SPMIP7: variants seen among roughly 807,000 people sequenced by gnomAD.
SPMIP7 encodes the protein protein SPMIP7.
the SPMIP7 span, chr7:50,159,169 G>T: frequency 1.3e-6 from 2 of 1,551,352 alleles, no homozygotes; most frequent in Non-Finnish European, 1.7e-6. Flanking sequence ...TAGACTACTA[G>T]AGGAGGCGGC....
chr7:50,147,061 C>T, the SPMIP7 span, among the ~76,000 whole-genome samples: 2 of 152,216 alleles, frequency 1.3e-5, no homozygotes, highest in South Asian at 2.1e-4. Flanking sequence ...TCCCTTATGT[C>T]GCATCCATGG....
chr7:50,137,975 C>T, the SPMIP7 span, among the ~76,000 whole-genome samples: 6 of 152,042 alleles, frequency 3.9e-5, no homozygotes, highest in Non-Finnish European at 8.8e-5. Context: ...TCTATTTTTG[C>T]TTATCTGAAG....
the SPMIP7 span, chr7:50,134,222 T>A: frequency 6.5e-7 from 1 of 1,545,636 alleles, no homozygotes; most frequent in Non-Finnish European, 8.7e-7. Flanking sequence ...TGAAAAGATA[T>A]AAAGGGGTGC....
chr7:50,100,334 T>G, the SPMIP7 span, among the ~76,000 whole-genome samples: 1 of 152,228 alleles, frequency 6.6e-6, no homozygotes, highest in East Asian at 1.9e-4. Flanking sequence ...CCATATCAGC[T>G]TCAGTGCGTC....
chr7:50,096,250 G>A, the SPMIP7 span: 5 of 1,551,562 alleles, frequency 3.2e-6, no homozygotes, highest in Non-Finnish European at 3.5e-6. Context: ...ACTATGGCAG[G>A]TTTGAAAAGA....
the SPMIP7 span, among the ~76,000 whole-genome samples, chr7:50,145,690 G>C: frequency 7.9e-6 from 1 of 126,960 alleles, no homozygotes; most frequent in Non-Finnish European, 1.6e-5. Context: ...AGAGCCCTGA[G>C]ATCTAACATA....
At chr7:50,126,898 A>G in the SPMIP7 span, among the ~76,000 whole-genome samples, 43 of 152,086 alleles carry the variant, frequency 2.8e-4, no homozygotes, top group African/African-American at 1.0e-3. Flanking sequence ...CTTCATAGGA[A>G]TAGAAAAAAT....
At chr7:50,108,535 A>T in the SPMIP7 span, among the ~76,000 whole-genome samples, 2 of 152,144 alleles carry the variant, frequency 1.3e-5, no homozygotes, top group African/African-American at 4.8e-5. Context: ...AGAAAATATG[A>T]CATAAATTTC....
At chr7:50,110,736 TATA>T in the SPMIP7 span, among the ~76,000 whole-genome samples, 1 of 7,132 alleles carries the variant, frequency 1.4e-4, no homozygotes, top group African/African-American at 3.3e-4. Flanking sequence ...TATTAAATAT[TATA>T]TATAAATATG....
chr7:50,132,087 A>G, the SPMIP7 span, among the ~76,000 whole-genome samples: 8 of 152,126 alleles, frequency 5.3e-5, no homozygotes, highest in Admixed American at 2.6e-4. Context: ...TTATGAAAAC[A>G]CTTAAAAACA....
At chr7:50,141,633 G>GA in the SPMIP7 span, 23 of 353,766 alleles carry the variant, frequency 6.5e-5, no homozygotes, top group South Asian at 2.1e-4. Flanking sequence ...AAACTTGTGA[G>GA]AAAAAAAATG....
chr7:50,138,839 T>C, the SPMIP7 span, among the ~76,000 whole-genome samples: 1 of 152,080 alleles, frequency 6.6e-6, no homozygotes, highest in South Asian at 2.1e-4. Context: ...GTCTGACTAC[T>C]GGATCTAGAA....
At chr7:50,104,929 A>C in the SPMIP7 span, among the ~76,000 whole-genome samples, 8 of 152,204 alleles carry the variant, frequency 5.3e-5, no homozygotes, top group Non-Finnish European at 1.0e-4. Flanking sequence ...CTGGAACAAC[A>C]ATCCTCTCTG....
At chr7:50,105,657 AG>A in the SPMIP7 span, among the ~76,000 whole-genome samples, 5 of 152,248 alleles carry the variant, frequency 3.3e-5, no homozygotes, top group African/African-American at 9.6e-5. Flanking sequence ...CACACATGGT[AG>A]GACTTTATGT....
chr7:50,121,195 G>A, the SPMIP7 span: 2 of 152,192 alleles, frequency 1.3e-5, no homozygotes, highest in African/African-American at 4.8e-5. Flanking sequence ...CATTATGAAG[G>A]TGACAGAAAG....
At chr7:50,113,993 G>A in the SPMIP7 span, among the ~76,000 whole-genome samples, 5 of 151,876 alleles carry the variant, frequency 3.3e-5, no homozygotes, top group East Asian at 9.6e-4. Flanking sequence ...CTGCAAGCCA[G>A]AAGAAAATAA....
chr7:50,149,610 C>G, the SPMIP7 span, among the ~76,000 whole-genome samples: 1 of 152,200 alleles, frequency 6.6e-6, no homozygotes, highest in African/African-American at 2.4e-5. Flanking sequence ...CCTAGTCTCA[C>G]AAAATCTGTT....
the SPMIP7 span, among the ~76,000 whole-genome samples, chr7:50,146,587 A>G: frequency 6.6e-6 from 1 of 152,230 alleles, no homozygotes; most frequent in Non-Finnish European, 1.5e-5. Context: ...GATCAAAGTC[A>G]TTGCAAAATG....
At chr7:50,158,847 C>G in the SPMIP7 span, among the ~76,000 whole-genome samples, 1 of 152,218 alleles carries the variant, frequency 6.6e-6, no homozygotes, top group East Asian at 1.9e-4. Context: ...TCCCTAGCAC[C>G]CACCATAATT....
Sources: gnomAD v4.1 joint callset for allele counts (sites outside exome capture counted in the v4.1 genomes callset) on GRCh38, gnomAD v4.1.1 for gene constraint, MANE v1.5 for transcripts, NCBI Gene and HGNC (gene_info 2026-07-23, HGNC 2026-07-21) for gene names.